CHIC2: variants seen among roughly 807,000 people sequenced by gnomAD.
CHIC2 encodes the protein cysteine-rich hydrophobic domain-containing protein 2.
CHIC2 carries 14 observed loss-of-function variants against 25.9 expected under a neutral mutation model. The ratio of observed to expected loss-of-function variants is 0.54; its 90% confidence interval spans 0.36 to 0.85. CHIC2 has a LOEUF of 0.85. Ranked by LOEUF, CHIC2 falls within the 40% of genes least tolerant of loss-of-function variation. CHIC2 has a pLI of 0.01. For synonymous variants in CHIC2, 70 were observed against 72.0 expected (o/e 0.97, Z 0.14); for missense variants, 146 against 202.0 (o/e 0.72, Z 1.68).
At chr4:54,076,832 T>C in the CHIC2 span, 1 of 152,258 alleles carries the variant, frequency 6.6e-6, no homozygotes, top group Non-Finnish European at 1.5e-5. Context: ...GCTGGTACCT[T>C]TCAGAGTGCA....
intron 3 of CHIC2, among the ~76,000 whole-genome samples, chr4:54,015,678 A>T (rs1230410900): frequency 6.6e-6 from 1 of 152,188 alleles, no homozygotes; most frequent in Non-Finnish European, 1.5e-5. Context: ...AGCCCTCCGT[A>T]AATCTGTACT....
At chr4:54,022,051 C>T (rs911561580) in intron 3 of CHIC2, among the ~76,000 whole-genome samples, 12 of 152,162 alleles carry the variant, frequency 7.9e-5, no homozygotes, top group African/African-American at 2.9e-4. Flanking sequence ...GGGGTTCCTC[C>T]AGAACCTCTT....
At chr4:54,015,215 T>TA (rs1176792802) in intron 3 of CHIC2, among the ~76,000 whole-genome samples, 4 of 152,182 alleles carry the variant, frequency 2.6e-5, no homozygotes, top group Non-Finnish European at 5.9e-5. Context: ...ACCAATGAAT[T>TA]ACGACTACTG....
chr4:54,065,773 C>T (rs1717504585), upstream of CHIC2, among the ~76,000 whole-genome samples: 2 of 152,104 alleles, frequency 1.3e-5, no homozygotes, highest in African/African-American at 4.8e-5. Flanking sequence ...TCACAGTAGT[C>T]GGCTTTAGAT....
At chr4:54,081,544 T>C in the CHIC2 span, among the ~76,000 whole-genome samples, 1 of 152,202 alleles carries the variant, frequency 6.6e-6, no homozygotes, top group African/African-American at 2.4e-5. Flanking sequence ...AACATACTGC[T>C]ATGGAAAGAT....
At chr4:54,025,318 G>GT (rs1232482832) in intron 3 of CHIC2, among the ~76,000 whole-genome samples, 1 of 151,808 alleles carries the variant, frequency 6.6e-6, no homozygotes, top group Non-Finnish European at 1.5e-5. Context: ...AAGGTTCTTT[G>GT]TAATTCTCCC....
intron 3 of CHIC2, among the ~76,000 whole-genome samples, chr4:54,019,285 A>G (rs1715829642): frequency 6.6e-6 from 1 of 152,146 alleles, no homozygotes; most frequent in African/African-American, 2.4e-5. Flanking sequence ...GGATTTTTAA[A>G]CAAATTCCTT....
chr4:54,079,808 T>G, the CHIC2 span, among the ~76,000 whole-genome samples: 8 of 151,960 alleles, frequency 5.3e-5, no homozygotes, highest in African/African-American at 1.9e-4. Context: ...AAATAAAAAT[T>G]TTTTAAAATA....
chr4:54,077,242 CT>C, the CHIC2 span, among the ~76,000 whole-genome samples: 471 of 152,300 alleles, frequency 3.1e-3, 4 homozygotes, highest in African/African-American at 0.011. Context: ...TCCTTCAGTT[CT>C]TTTTTTCTAG....
chr4:54,032,584 A>T, intron 3 of CHIC2, among the ~76,000 whole-genome samples: 1 of 152,332 alleles, frequency 6.6e-6, no homozygotes, highest in African/African-American at 2.4e-5. Flanking sequence ...AGAAAAATAC[A>T]GGTCAATTTT....
the CHIC2 span, among the ~76,000 whole-genome samples, chr4:54,080,890 A>T: frequency 0.19 from 28,453 of 146,152 alleles, 2,910 homozygotes; most frequent in South Asian, 0.27. Flanking sequence ...TATGTCAGAT[A>T]ATGGATGTGC....
chr4:54,052,469 CAACT>C (rs1717030531), intron 1 of CHIC2, among the ~76,000 whole-genome samples: 1 of 152,060 alleles, frequency 6.6e-6, no homozygotes, highest in African/African-American at 2.4e-5. Context: ...AGACAAAGTA[CAACT>C]GGTTCAGCAC....
intron 3 of CHIC2, among the ~76,000 whole-genome samples, chr4:54,028,753 T>C (rs746394693): frequency 5.9e-5 from 9 of 152,212 alleles, no homozygotes; most frequent in Non-Finnish European, 1.3e-4. Flanking sequence ...AAGTTAAACA[T>C]CAGGAATTTA....
At chr4:54,041,822 C>T (rs1301759401) in intron 3 of CHIC2, among the ~76,000 whole-genome samples, 1 of 151,854 alleles carries the variant, frequency 6.6e-6, no homozygotes, top group African/African-American at 2.4e-5. Context: ...TTAAAAATCC[C>T]TGCTCTAGAG....
chr4:54,032,225 G>C (rs1345450850), intron 3 of CHIC2, among the ~76,000 whole-genome samples: 1 of 152,012 alleles, frequency 6.6e-6, no homozygotes, highest in Non-Finnish European at 1.5e-5. Context: ...AAGGAGATAA[G>C]ACAACTAACA....
At position 54,064,406 on chromosome 4, in the gene CHIC2, G is replaced by T. The variant is rs1033392347; in HGVS notation, c.-106C>A. 6.5e-7 allele frequency: 1 copy of T among 1,540,554 alleles called. No homozygotes were observed. Among genetic ancestry groups the T allele is most frequent in the African/African-American group, 1.4e-5 (1 of 71,944 alleles). On this transcript the variant is annotated 5_prime_UTR_variant, in exon 1 of 6. Coordinates refer to ENST00000263921, the MANE Select transcript of CHIC2 (RefSeq NM_012110.4). The surrounding 1 kb of genome is among the most constrained non-coding windows in gnomAD (Gnocchi z 4.2). ...GCTGAGGGGAGTCGCCGCTGCCGCC[G>T]GCTCCGAGGCCGCGGAGTTCGCTGT...
intron 3 of CHIC2, among the ~76,000 whole-genome samples, chr4:54,033,058 C>T: frequency 6.6e-6 from 1 of 152,170 alleles, no homozygotes; most frequent in East Asian, 1.9e-4. Context: ...TCCTTTTCAT[C>T]GTCCACCATG....
chr4:54,087,668 C>T, the CHIC2 span: 43 of 550,096 alleles, frequency 7.8e-5, no homozygotes, highest in South Asian at 1.3e-3. Flanking sequence ...AAGAGCCTTG[C>T]GTTATTGTTG....
At chr4:54,019,017 T>C (rs963829098) in intron 3 of CHIC2, among the ~76,000 whole-genome samples, 1 of 151,902 alleles carries the variant, frequency 6.6e-6, no homozygotes, top group Non-Finnish European at 1.5e-5. Context: ...TCTGTGTAAA[T>C]TGAATTTGTT....
Sources: gnomAD v4.1 joint callset for allele counts (sites outside exome capture counted in the v4.1 genomes callset) on GRCh38, gnomAD v4.1.1 for gene constraint, Gnocchi (gnomAD v3.1) non-coding constraint, MANE v1.5 for transcripts, NCBI Gene and HGNC (gene_info 2026-07-23, HGNC 2026-07-21) for gene names.